Variants in ACYP2 observed in about 807,000 individuals in gnomAD.
ACYP2 encodes acylphosphatase 2, also known as acylphosphatase-2.
A neutral mutation model predicts 11.2 loss-of-function variants in ACYP2; 12 were observed. The observed-to-expected ratio is 1.08, with a 90% CI of 0.69 to 1.74. The LOEUF (loss-of-function observed/expected upper bound fraction) is 1.74. Among genes scored for constraint, ACYP2 ranks in the 40% most tolerant of loss-of-function variants. The pLI, the probability that ACYP2 is intolerant of heterozygous loss-of-function variation, is 0.00. For synonymous variants in ACYP2, 43 were observed against 32.2 expected, an observed-to-expected ratio of 1.33 and a Z score of -1.13; for missense variants, 134 against 101.9, an observed-to-expected ratio of 1.31 and a Z score of -1.35.
intron 6 of ACYP2, among the ~76,000 whole-genome samples, chr2:54,275,122 A>G (rs1398678878): frequency 6.6e-6 from 1 of 152,248 alleles, no homozygotes; most frequent in African/African-American, 2.4e-5. Flanking sequence ...TAAATGCACC[A>G]ATAAATTTAT....
At chr2:54,069,757 G>A (rs2103645639) in intron 4 of ACYP2, among the ~76,000 whole-genome samples, 1 of 152,290 alleles carries the variant, frequency 6.6e-6, no homozygotes, top group East Asian at 1.9e-4. Context: ...TGAACACATT[G>A]AGGGTGACCA....
chr2:54,235,858 A>C (rs1486407069), intron 6 of ACYP2, among the ~76,000 whole-genome samples: 1 of 152,192 alleles, frequency 6.6e-6, no homozygotes, highest in Non-Finnish European at 1.5e-5. Context: ...CAACAACAAC[A>C]ATAAAACTCT....
chr2:54,212,427 C>T (rs1685366048), intron 6 of ACYP2, among the ~76,000 whole-genome samples: 1 of 152,162 alleles, frequency 6.6e-6, no homozygotes, highest in South Asian at 2.1e-4. Flanking sequence ...ATCTCCTTTT[C>T]CCTGCACGGC....
intron 6 of ACYP2, among the ~76,000 whole-genome samples, chr2:54,199,262 C>A (rs1014514443): frequency 1.3e-5 from 2 of 152,186 alleles, no homozygotes; most frequent in African/African-American, 4.8e-5. Flanking sequence ...AAATTCTGTG[C>A]TCATGGGACA....
chr2:54,029,501 GAA>G, intron 2 of ACYP2: 1 of 377,700 alleles, frequency 2.6e-6, no homozygotes, highest in South Asian at 2.3e-5. Flanking sequence ...AATTCATAGG[GAA>G]GTGGTTCCAG....
At chr2:54,071,971 A>G (rs1447426731) in intron 4 of ACYP2, among the ~76,000 whole-genome samples, 2 of 152,180 alleles carry the variant, frequency 1.3e-5, no homozygotes, top group Admixed American at 1.3e-4. Context: ...AGATCGCACC[A>G]CTGCACTCCA....
intron 2 of ACYP2, among the ~76,000 whole-genome samples, chr2:53,997,779 AATAAAATAAAATAAAGTGAGTT>A (rs1672643748): frequency 6.6e-6 from 1 of 152,328 alleles, no homozygotes; most frequent in East Asian, 1.9e-4. Context: ...AATTGCAAAA[AATAAAATAAAATAAAGTGAGTT>A]AAAATGTCAG....
chr2:54,070,898 A>ATTTGTTTG lies in ACYP2; in HGVS notation c.277+13562_277+13569dup, dbSNP rs112798436. Among the ~76,000 whole-genome samples, 1,367 of 150,270 alleles carry ATTTGTTTG rather than the reference A, an allele frequency of 9.1e-3. 5 individuals carry two copies. Among genetic ancestry groups the ATTTGTTTG allele is most frequent in the Non-Finnish European group, 0.014 (934 of 67,602 alleles). ...TAGGTATGTGCCACCACACCCAGCT[A>ATTTGTTTG]TTTGTTTGTTTGTTTGTTTGTTTGT... is the stretch of plus-strand genomic sequence containing the variant. On this transcript the variant is annotated intron_variant, in intron 4 of 6. Coordinates refer to ENST00000607452, the MANE Select transcript of ACYP2 (RefSeq NM_001320586.2).
intron 6 of ACYP2, among the ~76,000 whole-genome samples, chr2:54,224,548 T>C (rs764738249): frequency 6.6e-6 from 1 of 152,030 alleles, no homozygotes. Context: ...GAAAACCAAT[T>C]AGAAAAGGGT....
intron 2 of ACYP2, chr2:53,973,893 G>A (rs866836149): frequency 0.087 from 5,892 of 67,524 alleles, 201 homozygotes; most frequent in South Asian, 0.13. Context: ...GTGTGTGTGT[G>A]TGTGTGTGTA....
chr2:54,153,473 T>TTTC (rs749892959), intron 6 of ACYP2, among the ~76,000 whole-genome samples: 1 of 151,216 alleles, frequency 6.6e-6, no homozygotes, highest in African/African-American at 2.4e-5. Flanking sequence ...TTTTTTTTTT[T>TTTC]TTCATGTGTG....
chr2:54,278,166 G>A (rs1043949898), intron 6 of ACYP2, among the ~76,000 whole-genome samples: 25 of 152,078 alleles, frequency 1.6e-4, no homozygotes, highest in African/African-American at 5.3e-4. Flanking sequence ...TTTTAGTAGA[G>A]ACAGGGTTTC....
At chr2:54,188,558 C>A (rs1684109412) in intron 6 of ACYP2, among the ~76,000 whole-genome samples, 1 of 152,146 alleles carries the variant, frequency 6.6e-6, no homozygotes, top group Non-Finnish European at 1.5e-5. Context: ...ACAAATACTT[C>A]TAAATATTAA....
intron 4 of ACYP2, among the ~76,000 whole-genome samples, chr2:54,069,455 G>T (rs1676906098): frequency 6.6e-6 from 1 of 152,128 alleles, no homozygotes; most frequent in Admixed American, 6.5e-5. Flanking sequence ...GAGGTTAGGA[G>T]ATCAAGACCA....
chr2:54,077,009 A>T (rs1419821681), intron 4 of ACYP2, among the ~76,000 whole-genome samples: 1 of 152,194 alleles, frequency 6.6e-6, no homozygotes, highest in Non-Finnish European at 1.5e-5. Flanking sequence ...CTAAAAACAC[A>T]TACACATATA....
intron 6 of ACYP2, among the ~76,000 whole-genome samples, chr2:54,151,945 G>T (rs1450066140): frequency 6.6e-6 from 1 of 151,972 alleles, no homozygotes; most frequent in East Asian, 1.9e-4. Flanking sequence ...CAGAAAAATT[G>T]AGTGGAAACT....
chr2:54,191,271 G>A (rs1306954954), intron 6 of ACYP2, among the ~76,000 whole-genome samples: 7 of 152,038 alleles, frequency 4.6e-5, no homozygotes, highest in Non-Finnish European at 5.9e-5. Context: ...GCTCTCCGCC[G>A]TACCATCCTC....
At chr2:54,232,608 A>G (rs1043135247) in intron 6 of ACYP2, among the ~76,000 whole-genome samples, 1 of 152,098 alleles carries the variant, frequency 6.6e-6, no homozygotes, top group African/African-American at 2.4e-5. Context: ...ACACTGTTAT[A>G]AAGAGCTGCT....
At position 54,273,059 on chromosome 2, in the gene ACYP2, A is replaced by G. The variant is rs946445228; in HGVS notation, c.405-31629A>G. Among the ~76,000 whole-genome samples, 3 of 152,244 alleles carry G rather than the reference A, an allele frequency of 2.0e-5. No individual in the cohort carries two copies. In the East Asian group the frequency reaches 5.8e-4, roughly 29 times the overall value. On this transcript the variant is annotated intron_variant, in intron 6 of 6. Coordinates refer to ENST00000607452, the MANE Select transcript of ACYP2 (RefSeq NM_001320586.2). ...GAAGGATCAAGGTGGGAACAGTGGT[A>G]GGCAGGCTTTTCTCTGACAAAGTTG...
Sources: allele counts gnomAD v4.1 joint callset (sites outside exome capture counted in the v4.1 genomes callset), GRCh38; gene constraint gnomAD v4.1.1; transcripts MANE v1.5; gene names NCBI Gene and HGNC (gene_info 2026-07-23, HGNC 2026-07-21).